The following C5 variants were observed in gnomAD, a reference collection of about 807,000 sequenced individuals.
The protein encoded by C5 is complement C5, also known as C3 and PZP-like alpha-2-macroglobulin domain-containing protein 4.
Under a neutral mutation model 218.8 loss-of-function variants are expected in C5, and 140 were observed. The observed-to-expected ratio is 0.64, with a 90% CI of 0.56 to 0.74. The LOEUF is 0.74. Among genes scored for constraint, C5 ranks in the 30% least tolerant of loss-of-function variants. C5 has a pLI of 0.00. For synonymous variants in C5, 614 were observed against 682.3 expected, an observed-to-expected ratio of 0.90 and a Z score of 1.56; for missense variants, 1,700 against 1,969.6, an observed-to-expected ratio of 0.86 and a Z score of 2.59.
Position 121,046,224 on chromosome 9 carries a change from T to A in C5, c.225A>T (p.Ser75=). 6.2e-7 allele frequency: 1 copy of A among 1,601,154 alleles called. No individual in the cohort carries two copies. Among genetic ancestry groups the A allele is most frequent in the Non-Finnish European group, 8.5e-7 (1 of 1,169,870 alleles). Residue 75 remains serine (S), a synonymous_variant, in exon 2 of 41, where the codon TCA becomes TCT. Coordinates refer to ENST00000223642, the MANE Select transcript of C5 (RefSeq NM_001735.3). The part of the protein sequence containing the change: ...SYSSGHVHLS[S]ENKFQNSAIL... ...TTGCAGAGTTTTGGAATTTATTCTCTGAGGATAAATGAACATGGCCTGAGG... is the reference window on the plus strand; with the variant it reads ...TTGCAGAGTTTTGGAATTTATTCTCAGAGGATAAATGAACATGGCCTGAGG...
chr9:121,073,120 G>T, the C5 span, among the ~76,000 whole-genome samples: 17 of 152,320 alleles, frequency 1.1e-4, no homozygotes, highest in Admixed American at 6.5e-4. Context: ...AAGGAAAAAT[G>T]AAGTGCCTAA....
At position 121,046,275 on chromosome 9, in the gene C5, A is replaced by C. The variant is rs1180648261; in HGVS notation, c.174T>G (p.Ser58Arg). The C allele has an allele frequency of 6.2e-7, 1 of 1,607,798 alleles. No individual in the cohort carries two copies. The highest frequency in any genetic ancestry group is 1.1e-5 in the South Asian group (1 of 90,734). ...AGTAACTAAATTTTTTATCAGGATA[A>C]CTTTTAATAGAGATTGTTGCATCAA... ...EAFDATISIK[S>R]YPDKKFSYSS... Residue 58 changes from serine to arginine, a missense_variant, in exon 2 of 41, where the codon AGT (serine) becomes AGG (arginine). Physicochemically the swap from Ser to Arg is moderately radical, Grantham distance 110. Coordinates refer to ENST00000223642, the MANE Select transcript of C5 (RefSeq NM_001735.3).
intron 7 of C5, among the ~76,000 whole-genome samples, chr9:121,028,611 G>A (rs184509938): frequency 7.2e-5 from 11 of 152,214 alleles, no homozygotes; most frequent in South Asian, 6.2e-4. Flanking sequence ...ACCAAATGCC[G>A]CATGTTCTCA....
the C5 span, among the ~76,000 whole-genome samples, chr9:121,068,461 G>A: frequency 1.3e-5 from 2 of 152,092 alleles, no homozygotes; most frequent in Non-Finnish European, 2.9e-5. Flanking sequence ...ACAAAACACT[G>A]ATGGAAGAAA....
intron 33 of C5, 75 bp from the exon 34 acceptor site, chr9:120,963,813 G>T: frequency 8.9e-7 from 1 of 1,118,668 alleles, no homozygotes; most frequent in Non-Finnish European, 1.3e-6. Context: ...CTCTTCCTTA[G>T]TAGACCTTAA....
At chr9:121,046,428 T>C (rs368916190) in intron 1 of C5, 45 bp from the exon 2 acceptor site, 169 of 1,353,026 alleles carry the variant, frequency 1.2e-4, no homozygotes, top group Non-Finnish European at 1.6e-4. Context: ...TTATATGACA[T>C]ATTTTCTTTT....
chr9:121,004,460 G>A (rs949448891), intron 20 of C5, among the ~76,000 whole-genome samples: 4 of 152,150 alleles, frequency 2.6e-5, no homozygotes, highest in African/African-American at 9.7e-5. Flanking sequence ...GAAAAGGAAT[G>A]ATATGTAATC....
chr9:121,015,934 T>C (rs1417568944), intron 15 of C5, among the ~76,000 whole-genome samples: 1 of 152,050 alleles, frequency 6.6e-6, no homozygotes, highest in African/African-American at 2.4e-5. Context: ...TTCCAATAAA[T>C]AAAGGCCCAA....
rs576334993 is a variant in C5, at chr9:120,962,985, G to A, written c.4324-18C>T. 1.3e-6 allele frequency: 2 copies of A among 1,591,034 alleles called. No individual in the cohort carries two copies. The highest frequency in any genetic ancestry group is 1.7e-6 in the Non-Finnish European group (2 of 1,158,936). ...TCCACAAGCTAAGGGGGAAAAGAGA[G>A]AAGCTTGAATTTCATTTCATTATCT... On this transcript the variant is annotated intron_variant, in intron 34 of 40. Coordinates refer to ENST00000223642, the MANE Select transcript of C5 (RefSeq NM_001735.3).
intron 28 of C5, among the ~76,000 whole-genome samples, chr9:120,978,635 G>C (rs1416826494): frequency 6.6e-6 from 1 of 152,184 alleles, no homozygotes; most frequent in African/African-American, 2.4e-5. Context: ...ACCTCAGTAA[G>C]ATTTATAAAG....
At chr9:121,020,205 A>T (rs371139431) in intron 11 of C5, 26 bp from the exon 12 acceptor site, 114 of 1,466,630 alleles carry the variant, frequency 7.8e-5, no homozygotes, top group Non-Finnish European at 1.0e-4. Flanking sequence ...TCAAAAAGAC[A>T]TGTATACTGT....
chr9:120,969,208 G>GTTAA, intron 32 of C5, 90 bp from the exon 33 acceptor site: 1 of 1,018,930 alleles, frequency 9.8e-7, no homozygotes, highest in Non-Finnish European at 1.6e-6. Context: ...AATCATTAAT[G>GTTAA]AGCAAATCTT....
rs2046816338 is a variant in C5 at position 120,960,180 on chromosome 9, CT to C, written c.4678+67del. Reference sequence around the variant, plus strand: ...ATAATCACTATATAAAGTTTTTGATCTTTCTAACTGAACACATATTCATAAA... The same window carrying C: ...ATAATCACTATATAAAGTTTTTGATCTTCTAACTGAACACATATTCATAAA... On this transcript the variant is annotated intron_variant, in intron 38 of 40. Coordinates refer to ENST00000223642, the MANE Select transcript of C5 (RefSeq NM_001735.3). 4 of 1,013,042 alleles carry C rather than the reference CT, an allele frequency of 3.9e-6. No individual in the cohort carries two copies. In the Admixed American group the frequency reaches 7.2e-5, roughly 18 times the overall value. 62.8% of individuals were successfully genotyped at this position (1,013,042 alleles called of 1,614,324 possible).
At chr9:120,956,824 A>C (rs1449928278) in intron 39 of C5, 1 of 188,914 alleles carries the variant, frequency 5.3e-6, no homozygotes, top group African/African-American at 2.4e-5. Flanking sequence ...GTGGGAACTA[A>C]ACAGTGAGTA....
upstream of C5, among the ~76,000 whole-genome samples, chr9:121,054,865 G>A (rs994511831): frequency 1.3e-5 from 2 of 151,826 alleles, no homozygotes; most frequent in African/African-American, 4.8e-5. Context: ...TGAACTGAGA[G>A]TCTGACATCT....
chr9:121,033,892 T>TC (rs1171925567), intron 5 of C5, among the ~76,000 whole-genome samples: 1 of 143,462 alleles, frequency 7.0e-6, no homozygotes, highest in African/African-American at 2.7e-5. Context: ...CTCCCTCCCC[T>TC]CCCTCTTTCT....
intron 38 of C5, among the ~76,000 whole-genome samples, chr9:120,958,353 C>A (rs933241283): frequency 6.6e-6 from 1 of 152,098 alleles, no homozygotes; most frequent in African/African-American, 2.4e-5. Context: ...AAAAAGCCAG[C>A]GAAGTCTTTT....
intron 10 of C5, among the ~76,000 whole-genome samples, chr9:121,021,999 A>G (rs983046219): frequency 6.6e-6 from 1 of 152,158 alleles, no homozygotes; most frequent in Non-Finnish European, 1.5e-5. Flanking sequence ...ACTTATGTTT[A>G]ATTTAGTAAA....
chr9:120,983,010 A>T (rs186588384), intron 25 of C5, among the ~76,000 whole-genome samples, 196 bp from the exon 26 acceptor site: 23 of 152,368 alleles, frequency 1.5e-4, no homozygotes, highest in Admixed American at 2.6e-4. Context: ...TGTGAACAGC[A>T]CATCTTCTGT....
Sources: gnomAD v4.1 joint callset for allele counts (sites outside exome capture counted in the v4.1 genomes callset) on GRCh38, gnomAD v4.1.1 for gene constraint, MANE v1.5 for transcripts, NCBI Gene and HGNC (gene_info 2026-07-23, HGNC 2026-07-21) for gene names.